TUBB8B: variants seen among roughly 807,000 people sequenced by gnomAD.
TUBB8B encodes the protein HSA18p11 beta-tubulin 4Q pseudogene.
Under a neutral mutation model 31.9 loss-of-function variants are expected in TUBB8B, and 26 were observed. The observed-to-expected ratio is 0.81, with a 90% confidence interval of 0.60 to 1.13. The LOEUF (loss-of-function observed/expected upper bound fraction) is 1.13. Among genes scored for constraint, TUBB8B ranks in the 50% most tolerant of loss-of-function variants. TUBB8B has a pLI of 0.00. For missense variants in TUBB8B, 467 were observed against 586.7 expected (o/e 0.80, Z 2.11); for synonymous variants, 173 against 231.0 (o/e 0.75, Z 2.28).
the TUBB8B span, among the ~76,000 whole-genome samples, chr18:63,244 C>T: frequency 1.3e-5 from 2 of 151,834 alleles, no homozygotes; most frequent in South Asian, 2.1e-4. Flanking sequence ...GTAGTCTTCA[C>T]AGTCTGGGCT....
the TUBB8B span, among the ~76,000 whole-genome samples, chr18:66,191 T>C: frequency 1.3e-5 from 2 of 152,138 alleles, no homozygotes; most frequent in African/African-American, 4.8e-5. Flanking sequence ...TTCGCACCAC[T>C]GCACTCCAAC....
At chr18:52,253 G>A (rs2144068665), upstream of TUBB8B, among the ~76,000 whole-genome samples, 2 of 152,050 alleles carry the variant, frequency 1.3e-5, no homozygotes, top group Middle Eastern at 6.8e-3. Context: ...ACTGTTTGGG[G>A]CCTCTTTCCT....
At chr18:51,430 C>T (rs1906100518), upstream of TUBB8B, among the ~76,000 whole-genome samples, 1 of 151,748 alleles carries the variant, frequency 6.6e-6, no homozygotes, top group African/African-American at 2.4e-5. Context: ...CTCATGAGAT[C>T]TGATGGTTTA....
chr18:70,631 TC>T, the TUBB8B span, among the ~76,000 whole-genome samples: 1 of 151,634 alleles, frequency 6.6e-6, no homozygotes, highest in Non-Finnish European at 1.5e-5. Context: ...TGAGACTGCA[TC>T]TCAAAAAAGA....
chr18:57,860 T>G, the TUBB8B span, among the ~76,000 whole-genome samples: 1 of 151,958 alleles, frequency 6.6e-6, no homozygotes, highest in Non-Finnish European at 1.5e-5. Flanking sequence ...ACTCTTGCAT[T>G]TTGTACACTC....
the TUBB8B span, among the ~76,000 whole-genome samples, chr18:63,601 A>C: frequency 3.3e-5 from 5 of 151,574 alleles, no homozygotes; most frequent in Admixed American, 3.3e-4. Flanking sequence ...GCTACCATAT[A>C]ACTTTATTAA....
upstream of TUBB8B, chr18:49,977 TAGG>T (rs1294017587): frequency 2.9e-5 from 13 of 448,750 alleles, no homozygotes; most frequent in Non-Finnish European, 4.9e-5. Flanking sequence ...TTTCATCTAT[TAGG>T]AGATCTGTGG....
At chr18:54,528 T>C (rs1420375847), upstream of TUBB8B, among the ~76,000 whole-genome samples, 3 of 151,800 alleles carry the variant, frequency 2.0e-5, no homozygotes, top group African/African-American at 7.3e-5. Flanking sequence ...ACTAACCCCG[T>C]TCCCCCACTG....
At chr18:60,595 T>C in the TUBB8B span, among the ~76,000 whole-genome samples, 1 of 151,798 alleles carries the variant, frequency 6.6e-6, no homozygotes, top group African/African-American at 2.4e-5. Context: ...GCACTTACAG[T>C]TATAAATTTT....
At position 48,076 on chromosome 18, in the gene TUBB8B, G is replaced by A; in HGVS notation, c.649C>T (p.Leu217=). Residue 217 remains leucine, a synonymous_variant, in exon 4 of 4, where the codon CTG becomes TTG. Coordinates refer to ENST00000308911, the MANE Select transcript of TUBB8B (RefSeq NM_001358689.2). Reference sequence around the variant, plus strand: ...AGGTCACCATAGGTGGGTGTGGGCAGTTTTAGGGTCCTGGAACATATGTCA... The same window carrying A: ...AGGTCACCATAGGTGGGTGTGGGCAATTTTAGGGTCCTGGAACATATGTCA... ...LYDICSRTLK[L]PTPTYGDLNH... is the part of the protein sequence containing the mutation. 1 of 1,613,882 alleles carries A rather than the reference G, an allele frequency of 6.2e-7. No homozygotes were observed. Among genetic ancestry groups the A allele is most frequent in the Non-Finnish European group, 8.5e-7 (1 of 1,179,952 alleles).
upstream of TUBB8B, among the ~76,000 whole-genome samples, chr18:51,276 A>C (rs1391905380): frequency 6.6e-6 from 1 of 151,850 alleles, no homozygotes; most frequent in African/African-American, 2.4e-5. Context: ...ATAACCTGTG[A>C]CATGCTTTGG....
At chr18:63,960 C>T in the TUBB8B span, among the ~76,000 whole-genome samples, 6 of 147,736 alleles carry the variant, frequency 4.1e-5, no homozygotes, top group South Asian at 8.8e-4. Context: ...CTAACCCTAA[C>T]CCCTAACCCT....
chr18:68,629 G>A, the TUBB8B span, among the ~76,000 whole-genome samples: 13 of 152,048 alleles, frequency 8.5e-5, no homozygotes, highest in South Asian at 8.3e-4. Flanking sequence ...CAATCCACCC[G>A]CCCACAGCTG....
the TUBB8B span, among the ~76,000 whole-genome samples, chr18:68,252 C>T: frequency 3.5e-4 from 50 of 143,066 alleles, no homozygotes; most frequent in African/African-American, 7.5e-4. Context: ...TCCTAGATTC[C>T]TCAGCAGTTA....
At chr18:53,506 A>G (rs1600581465), upstream of TUBB8B, among the ~76,000 whole-genome samples, 1 of 151,760 alleles carries the variant, frequency 6.6e-6, no homozygotes. Flanking sequence ...GTCTTGCTCT[A>G]TTGCCCAGGC....
In TUBB8B at chr18:47,407, C is replaced by T. The variant is rs779797128; in HGVS notation, c.1318G>A (p.Glu440Lys). The change falls in exon 4 of 4, where the codon GAG (glutamate) becomes AAG (lysine). Residue 440 changes from glutamate (E) to lysine (K), a missense_variant. Glu to Lys is a moderately conservative substitution (Grantham distance 56). This residue lies in a region of TUBB8B where 208 missense variants were observed against 206.7 expected (regional missense o/e 1.01). Coordinates refer to ENST00000308911, the MANE Select transcript of TUBB8B (RefSeq NM_001358689.2). The stretch of plus-strand genomic sequence containing the variant: ...GGAGAGTTCTAGGCCACCTCCTCCT[C>T]GGCATACTCCTCATCCTCCTCCTCC... ...AEEEEDEEYA[E>K]EEVA 29 of 1,108,600 alleles carry T rather than the reference C, an allele frequency of 2.6e-5. No homozygotes were observed. Among genetic ancestry groups the T allele is most frequent in the Admixed American group, 1.8e-4 (10 of 54,606 alleles). The allele number at this position is 1,108,600 out of a possible 1,614,324, so 68.7% of individuals were successfully genotyped here. A position where few individuals can be genotyped will look rare whatever the true frequency, so the allele number is the denominator to read the frequency against.
chr18:57,501 G>A, the TUBB8B span, among the ~76,000 whole-genome samples: 9 of 151,956 alleles, frequency 5.9e-5, 1 homozygote, highest in East Asian at 5.8e-4. Flanking sequence ...GCCTTGGGAC[G>A]TTTAGACCTT....
the TUBB8B span, among the ~76,000 whole-genome samples, chr18:69,896 C>T: frequency 0.013 from 1,946 of 151,460 alleles, no homozygotes; most frequent in African/African-American, 0.045. Context: ...GTGGCTCATG[C>T]CTGTAATCAC....
chr18:48,732 G>A lies in TUBB8B; in HGVS notation c.277+208C>T, dbSNP rs368172241. On this transcript the variant is annotated intron_variant, in intron 3 of 3. Transcript: ENST00000308911. ...CACGGCCCCAGCTCAGCTCCCGGCA[G>A]GGACATCAGTAGCTCCTCACCTTGA... is the stretch of plus-strand genomic sequence containing the variant. 4.3e-6 allele frequency: 3 copies of A among 698,800 alleles called. 1 individual carries two copies. The highest frequency in any genetic ancestry group is 5.4e-5 in the East Asian group (2 of 37,128). The allele number at this position is 698,800 out of a possible 1,614,324, so 43.3% of individuals were successfully genotyped here. A position where few individuals can be genotyped will look rare whatever the true frequency, so the allele number is the denominator to read the frequency against.
Sources: gnomAD v4.1 joint callset for allele counts (sites outside exome capture counted in the v4.1 genomes callset) on GRCh38, gnomAD v4.1.1 for gene constraint, gnomAD v4.1.1 regional missense constraint, MANE v1.5 for transcripts, NCBI Gene and HGNC (gene_info 2026-07-23, HGNC 2026-07-21) for gene names.